The following CHP1 variants were observed in gnomAD, a reference collection of about 807,000 sequenced individuals.
CHP1 encodes the protein calcineurin B homologous protein 1.
In CHP1, 11 loss-of-function variants were observed where a neutral mutation model predicts 27.4. The ratio of observed to expected loss-of-function variants is 0.40; its 90% CI spans 0.25 to 0.67. The LOEUF (loss-of-function observed/expected upper bound fraction) is 0.67. Among genes scored for constraint, CHP1 ranks in the 30% least tolerant of loss-of-function variants. The pLI is 0.38. For synonymous variants in CHP1, 89 were observed against 87.4 expected (o/e 1.02, Z -0.10); for missense variants, 169 against 251.3 (o/e 0.67, Z 2.22).
chr15:41,256,306 G>T (rs2047400438), intron 2 of CHP1, among the ~76,000 whole-genome samples: 1 of 152,184 alleles, frequency 6.6e-6, no homozygotes, highest in Non-Finnish European at 1.5e-5. Context: ...AGTCATGTGA[G>T]GATGACTGCT....
intron 4 of CHP1, among the ~76,000 whole-genome samples, chr15:41,266,239 C>T (rs998644657): frequency 7.9e-5 from 12 of 151,888 alleles, no homozygotes; most frequent in Non-Finnish European, 1.3e-4. Context: ...GCCGAGATCA[C>T]GCTATTGCAC....
intron 2 of CHP1, among the ~76,000 whole-genome samples, chr15:41,248,184 T>C (rs181653387): frequency 2.7e-4 from 41 of 151,734 alleles, no homozygotes; most frequent in African/African-American, 9.4e-4. Flanking sequence ...GGTCGCACTC[T>C]GTCTCCTAGG....
At chr15:41,269,777 T>A (rs145068096) in intron 4 of CHP1, among the ~76,000 whole-genome samples, 1 of 152,098 alleles carries the variant, frequency 6.6e-6, no homozygotes, top group Non-Finnish European at 1.5e-5. Context: ...ATTCTTGAAG[T>A]GATTCAAAAC....
chr15:41,256,732 A>C, intron 2 of CHP1, 178 bp from the exon 3 acceptor site: 1 of 606,594 alleles, frequency 1.6e-6, no homozygotes, highest in Non-Finnish European at 3.0e-6. Context: ...GAGTTGGTGC[A>C]AGAAACACTT....
chr15:41,251,758 A>C (rs2140930701), intron 2 of CHP1, among the ~76,000 whole-genome samples: 1 of 151,802 alleles, frequency 6.6e-6, no homozygotes, highest in Non-Finnish European at 1.5e-5. Flanking sequence ...ATTTTCCATA[A>C]AACTGGTCCC....
At chr15:41,253,423 GTATTTATTTATTTATTTATTTATTTATT>G (rs71732753) in intron 2 of CHP1, among the ~76,000 whole-genome samples, 1 of 145,180 alleles carries the variant, frequency 6.9e-6, no homozygotes, top group Non-Finnish European at 1.5e-5. Flanking sequence ...AGTTGACAAA[GTATTTATTTATTTATTTATTTATTTATT>G]TATTTATTTA....
intron 2 of CHP1, among the ~76,000 whole-genome samples, chr15:41,245,989 C>T (rs2047332556): frequency 6.6e-6 from 1 of 152,082 alleles, no homozygotes; most frequent in African/African-American, 2.4e-5. Flanking sequence ...TATATGGTGT[C>T]AGAGAAGAGT....
intron 2 of CHP1, among the ~76,000 whole-genome samples, chr15:41,247,721 C>T (rs1448134035): frequency 6.6e-6 from 1 of 150,592 alleles, no homozygotes; most frequent in African/African-American, 2.4e-5. Flanking sequence ...GCCTGTAATC[C>T]CAGCACTTTG....
chr15:41,254,964 A>G (rs1471340616), intron 2 of CHP1, among the ~76,000 whole-genome samples: 2 of 152,238 alleles, frequency 1.3e-5, no homozygotes, highest in Non-Finnish European at 2.9e-5. Flanking sequence ...ACTTGAAGTT[A>G]CAAGAACAAT....
chr15:41,253,834 G>A (rs1027182242), intron 2 of CHP1, among the ~76,000 whole-genome samples: 4 of 151,838 alleles, frequency 2.6e-5, no homozygotes, highest in Non-Finnish European at 4.4e-5. Context: ...ACCCAGGCTC[G>A]AGGGCAGTGA....
intron 4 of CHP1, among the ~76,000 whole-genome samples, chr15:41,266,480 G>GT (rs2047461389): frequency 6.6e-6 from 1 of 152,018 alleles, no homozygotes; most frequent in Non-Finnish European, 1.5e-5. Flanking sequence ...AATGGTTTAA[G>GT]TTTTTATAAC....
chr15:41,243,660 T>A lies in CHP1; in HGVS notation c.68-7T>A. ...CCCCGAGCTGGGACTAATTTTGTGCTCTTTAGTTTCCCACAGTCAAATCAC... is the reference window on the plus strand; with the variant it reads ...CCCCGAGCTGGGACTAATTTTGTGCACTTTAGTTTCCCACAGTCAAATCAC... On this transcript the variant is annotated splice_region_variant and splice_polypyrimidine_tract_variant and intron_variant, in intron 1 of 6. Transcript: ENST00000334660. 1 of 1,613,854 alleles carries A rather than the reference T, an allele frequency of 6.2e-7. No individual in the cohort carries two copies. Among genetic ancestry groups the A allele is most frequent in the Non-Finnish European group, 8.5e-7 (1 of 1,179,808 alleles).
At chr15:41,232,499 C>G (rs959880100) in intron 1 of CHP1, among the ~76,000 whole-genome samples, 6 of 151,572 alleles carry the variant, frequency 4.0e-5, no homozygotes, top group African/African-American at 1.5e-4. Flanking sequence ...GTGTGAGCCA[C>G]CGTGCCCTGC....
intron 4 of CHP1, among the ~76,000 whole-genome samples, chr15:41,268,799 A>C (rs987900588): frequency 1.3e-5 from 2 of 151,778 alleles, no homozygotes; most frequent in Non-Finnish European, 2.9e-5. Context: ...CTAAAAACAC[A>C]CACACAAAAA....
intron 3 of CHP1, among the ~76,000 whole-genome samples, chr15:41,258,140 A>G (rs1300289180): frequency 6.6e-6 from 1 of 152,188 alleles, no homozygotes; most frequent in Non-Finnish European, 1.5e-5. Flanking sequence ...ACATACATAC[A>G]TGTATGTATA....
At chr15:41,268,518 G>A (rs549725094) in intron 4 of CHP1, among the ~76,000 whole-genome samples, 1 of 151,994 alleles carries the variant, frequency 6.6e-6, no homozygotes, top group East Asian at 1.9e-4. Flanking sequence ...GGTGGCACAT[G>A]CCTATAATCC....
intron 4 of CHP1, among the ~76,000 whole-genome samples, chr15:41,266,001 AGG>A (rs1431576891): frequency 6.9e-4 from 105 of 152,154 alleles, no homozygotes; most frequent in Middle Eastern, 3.4e-3. Context: ...TGCTTTCTGT[AGG>A]CCAGGCGCGG....
chr15:41,250,997 G>C (rs2047364049), intron 2 of CHP1, among the ~76,000 whole-genome samples: 1 of 152,020 alleles, frequency 6.6e-6, no homozygotes, highest in Non-Finnish European at 1.5e-5. Context: ...ACCACGCCCA[G>C]TGAATTTTTT....
At chr15:41,250,465 G>C (rs1352617716) in intron 2 of CHP1, among the ~76,000 whole-genome samples, 1 of 152,140 alleles carries the variant, frequency 6.6e-6, no homozygotes, top group African/African-American at 2.4e-5. Context: ...ACTTTGGGAG[G>C]CCGAGGCAGG....
Sources: allele counts gnomAD v4.1 joint callset (sites outside exome capture counted in the v4.1 genomes callset), GRCh38; gene constraint gnomAD v4.1.1; transcripts MANE v1.5; gene names NCBI Gene and HGNC (gene_info 2026-07-23, HGNC 2026-07-21).